Variants in CSMD1 observed in about 807,000 individuals in gnomAD.
CSMD1 encodes CUB and sushi domain-containing protein 1.
CSMD1 carries 213 observed loss-of-function variants against 417.5 expected under a neutral mutation model. The observed-to-expected ratio is 0.51, with a 90% CI of 0.46 to 0.57. The LOEUF (loss-of-function observed/expected upper bound fraction) is 0.57, where lower values mean the gene tolerates loss of function less well. Ranked by LOEUF, CSMD1 falls within the 20% of genes least tolerant of loss-of-function variation. CSMD1 has a pLI of 0.00. For synonymous variants in CSMD1, 2,862 were observed against 1,736.8 expected, an observed-to-expected ratio of 1.65 and a Z score of -16.11; for missense variants, 6,923 against 4,529.7, an observed-to-expected ratio of 1.53 and a Z score of -15.17.
intron 5 of CSMD1, among the ~76,000 whole-genome samples, chr8:3,977,669 T>C (rs1237941895): frequency 6.6e-6 from 1 of 152,198 alleles, no homozygotes; most frequent in Admixed American, 6.5e-5. Context: ...TTTCTGCTCA[T>C]AAGAATGTGG....
intron 2 of CSMD1, among the ~76,000 whole-genome samples, chr8:4,437,461 G>C (rs966052576): frequency 2.0e-5 from 3 of 152,222 alleles, no homozygotes; most frequent in South Asian, 2.1e-4. Context: ...TTCACCAAAA[G>C]TTAATTACAT....
At chr8:4,359,526 G>C (rs986655998) in intron 3 of CSMD1, among the ~76,000 whole-genome samples, 3 of 152,158 alleles carry the variant, frequency 2.0e-5, no homozygotes, top group African/African-American at 7.2e-5. Context: ...TGCAAATAGA[G>C]ATGTCTCCTT....
chr8:4,784,958 T>TAA (rs144402924), intron 1 of CSMD1, among the ~76,000 whole-genome samples: 1,663 of 152,184 alleles, frequency 0.011, 14 homozygotes, highest in East Asian at 0.056. Flanking sequence ...TCATAAGTGG[T>TAA]AAAAAAATGC....
chr8:3,281,154 G>C (rs980599030), intron 26 of CSMD1, among the ~76,000 whole-genome samples: 6 of 152,092 alleles, frequency 3.9e-5, no homozygotes, highest in Non-Finnish European at 7.4e-5. Flanking sequence ...AAGAAAATGG[G>C]TAAACAGGCT....
At chr8:4,765,865 C>T (rs1812430072) in intron 1 of CSMD1, among the ~76,000 whole-genome samples, 1 of 152,110 alleles carries the variant, frequency 6.6e-6, no homozygotes, top group South Asian at 2.1e-4. Context: ...TTTCTCTTGG[C>T]CCAGAAGCTA....
intron 1 of CSMD1, among the ~76,000 whole-genome samples, chr8:4,960,747 T>G (rs1323784856): frequency 5.3e-5 from 8 of 152,156 alleles, no homozygotes; most frequent in Admixed American, 3.9e-4. Flanking sequence ...CAAATTCCTT[T>G]ATAAGGGTAC....
intron 2 of CSMD1, among the ~76,000 whole-genome samples, chr8:4,604,077 T>C (rs1021310581): frequency 6.6e-6 from 1 of 152,104 alleles, no homozygotes; most frequent in Non-Finnish European, 1.5e-5. Context: ...TCAACTTAGT[T>C]GTTATCATAG....
At chr8:4,190,892 A>G (rs979952210) in intron 3 of CSMD1, among the ~76,000 whole-genome samples, 1 of 151,826 alleles carries the variant, frequency 6.6e-6, no homozygotes, top group African/African-American at 2.4e-5. Context: ...AGAGGGAGCT[A>G]AATTGTGAGA....
chr8:3,780,545 G>T (rs905507135), intron 5 of CSMD1, among the ~76,000 whole-genome samples: 2 of 152,184 alleles, frequency 1.3e-5, no homozygotes, highest in African/African-American at 4.8e-5. Flanking sequence ...TGGGTAATGA[G>T]CTTCAACAAA....
At chr8:4,095,336 G>C (rs922507614) in intron 3 of CSMD1, among the ~76,000 whole-genome samples, 18 of 152,128 alleles carry the variant, frequency 1.2e-4, no homozygotes, top group African/African-American at 4.1e-4. Flanking sequence ...CACATTAGCA[G>C]CTTCCTGCAT....
chr8:4,221,599 A>T (rs1801035325), intron 3 of CSMD1, among the ~76,000 whole-genome samples: 1 of 152,150 alleles, frequency 6.6e-6, no homozygotes, highest in African/African-American at 2.4e-5. Flanking sequence ...TGCTCCAAAA[A>T]AAAGACCTCT....
intron 6 of CSMD1, among the ~76,000 whole-genome samples, chr8:3,729,183 C>T (rs1359799801): frequency 1.3e-5 from 2 of 152,130 alleles, no homozygotes; most frequent in Non-Finnish European, 2.9e-5. Context: ...GACTTACTGC[C>T]ACGCAATAAG....
intron 1 of CSMD1, among the ~76,000 whole-genome samples, chr8:4,640,879 A>C (rs892323195): frequency 6.7e-6 from 1 of 148,164 alleles, no homozygotes; most frequent in Non-Finnish European, 1.5e-5. Flanking sequence ...AAAAAAAAAA[A>C]AGTCTAATGG....
intron 2 of CSMD1, among the ~76,000 whole-genome samples, chr8:4,467,440 C>G (rs540795797): frequency 6.6e-6 from 1 of 151,230 alleles, no homozygotes; most frequent in African/African-American, 2.5e-5. Flanking sequence ...AGCAGACATC[C>G]TTCTAAACCG....
intron 6 of CSMD1, among the ~76,000 whole-genome samples, chr8:3,748,849 A>G (rs184974633): frequency 1.6e-4 from 24 of 152,322 alleles, no homozygotes; most frequent in Admixed American, 1.6e-3. Flanking sequence ...CAAACTAATT[A>G]TTTGTGTCAA....
chr8:3,290,961 T>A (rs550600722), intron 25 of CSMD1, among the ~76,000 whole-genome samples: 14 of 152,312 alleles, frequency 9.2e-5, no homozygotes, highest in South Asian at 8.3e-4. Flanking sequence ...GGCTGTGGGT[T>A]TGTCATAGAT....
chr8:3,873,615 A>C (rs1274069759), intron 5 of CSMD1, among the ~76,000 whole-genome samples: 1 of 152,122 alleles, frequency 6.6e-6, no homozygotes, highest in Non-Finnish European at 1.5e-5. Context: ...TCGGCATAAT[A>C]CCTGAGTGGT....
At chr8:3,304,195 A>G (rs988309011) in intron 25 of CSMD1, among the ~76,000 whole-genome samples, 3 of 152,184 alleles carry the variant, frequency 2.0e-5, no homozygotes, top group African/African-American at 7.2e-5. Flanking sequence ...ATTTATATTA[A>G]GATATTTTAA....
rs372763456 is a variant in CSMD1, at chr8:4,051,881, T to TCTCCTTCC, written c.416-19783_416-19782insGGAAGGAG. Among the ~76,000 whole-genome samples, 201 of 134,094 alleles carry TCTCCTTCC rather than the reference T, an allele frequency of 1.5e-3. 2 individuals carry two copies. Among genetic ancestry groups the TCTCCTTCC allele is most frequent in the Middle Eastern group, 7.1e-3 (2 of 280 alleles). The allele number at this position is 134,094 out of a possible 152,430, so 88.0% of individuals were successfully genotyped here. A position where few individuals can be genotyped will look rare whatever the true frequency, so the allele number is the denominator to read the frequency against. On this transcript the variant is annotated intron_variant, in intron 3 of 69. Coordinates refer to ENST00000635120, the MANE Select transcript of CSMD1 (RefSeq NM_033225.6). ...CTTTCTTTCTTTCCTTCCTCCTTTC[T>TCTCCTTCC]TCCTTCCTTCCTTCCTTCCTTCCTT...
Sources: gnomAD v4.1 joint callset for allele counts (sites outside exome capture counted in the v4.1 genomes callset) on GRCh38, gnomAD v4.1.1 for gene constraint, MANE v1.5 for transcripts, NCBI Gene and HGNC (gene_info 2026-07-23, HGNC 2026-07-21) for gene names.